The following SULF2 variants were observed in gnomAD, a reference collection of about 807,000 sequenced individuals.
The protein encoded by SULF2 is sulfatase 2, also known as extracellular sulfatase Sulf-2.
A neutral mutation model predicts 107.7 loss-of-function variants in SULF2; 52 were observed. The observed-to-expected ratio is 0.48, with a 90% CI of 0.39 to 0.61. The LOEUF (loss-of-function observed/expected upper bound fraction) is 0.61, where lower values mean the gene tolerates loss of function less well. Among genes scored for constraint, SULF2 ranks in the 20% least tolerant of loss-of-function variants. The pLI is 0.00. For synonymous variants in SULF2, 460 were observed against 464.3 expected (o/e 0.99, Z 0.12); for missense variants, 993 against 1,177.3 (o/e 0.84, Z 2.29).
Position 47,679,218 on chromosome 20 carries a change from G to A in SULF2, c.1065-414C>T, listed in dbSNP as rs76524347. 3.1e-3 allele frequency among the ~76,000 whole-genome samples: 478 copies of A among 152,188 alleles called. 2 individuals are homozygous for A. The highest frequency in any genetic ancestry group is 0.011 in the African/African-American group (459 of 41,516). The stretch of plus-strand genomic sequence containing the variant: ...AGCCCAGGCACAGTGCAGCCTCAGG[G>A]CCTTCTTCTTTACCATCCTCTCTGC... On this transcript the variant is annotated intron_variant, in intron 7 of 20. Transcript: ENST00000688720.
intron 2 of SULF2, among the ~76,000 whole-genome samples, chr20:47,743,564 C>T (rs146357629): frequency 3.3e-5 from 5 of 152,332 alleles, no homozygotes; most frequent in Non-Finnish European, 7.4e-5. Flanking sequence ...CCTTCCTTGG[C>T]CTCCCAAAGT....
chr20:47,762,849 T>C (rs1409020701), intron 1 of SULF2, among the ~76,000 whole-genome samples: 1 of 152,208 alleles, frequency 6.6e-6, no homozygotes, highest in Admixed American at 6.5e-5. Flanking sequence ...CGCTCTCCTC[T>C]GGATGGAAGT....
intron 4 of SULF2, among the ~76,000 whole-genome samples, chr20:47,701,938 C>T (rs944853669): frequency 2.0e-5 from 3 of 152,256 alleles, no homozygotes; most frequent in East Asian, 1.9e-4. Context: ...GTTCAGTGTG[C>T]GGCAAGCCTT....
chr20:47,783,100 G>A (rs1223435926), intron 1 of SULF2, among the ~76,000 whole-genome samples: 1 of 152,046 alleles, frequency 6.6e-6, no homozygotes, highest in East Asian at 1.9e-4. Flanking sequence ...TACTTAACAG[G>A]GTATTTGTGT....
At chr20:47,757,094 G>T in intron 2 of SULF2, 95 bp downstream of exon 2, 2 of 1,143,394 alleles carry the variant, frequency 1.7e-6, no homozygotes, top group Non-Finnish European at 2.4e-6. Context: ...TGAGCACGAC[G>T]CATCAACACC....
At chr20:47,738,580 A>T (rs976295044) in intron 2 of SULF2, among the ~76,000 whole-genome samples, 3 of 152,080 alleles carry the variant, frequency 2.0e-5, no homozygotes, top group African/African-American at 7.2e-5. Context: ...GATGGGAGAC[A>T]GTTGAATCAT....
At chr20:47,746,160 T>C (rs538919553) in intron 2 of SULF2, among the ~76,000 whole-genome samples, 1 of 152,338 alleles carries the variant, frequency 6.6e-6, no homozygotes, top group South Asian at 2.1e-4. Context: ...CCTGTGGGCA[T>C]GGAGTTTGCA....
rs915818941 is a variant in SULF2, at chr20:47,680,619, G to A, written c.1065-1815C>T. Among the ~76,000 whole-genome samples the A allele has an allele frequency of 2.6e-5, 4 of 152,214 alleles. No homozygotes were observed. Among genetic ancestry groups the A allele is most frequent in the Admixed American group, 6.5e-5 (1 of 15,278 alleles). On this transcript the variant is annotated intron_variant, in intron 7 of 20. Transcript: ENST00000688720. This position sits in a 1 kb window ranked among gnomAD's most constrained non-coding sequence, Gnocchi z 4.2. ...CCCAGTCCAGTGCCCTGTGAACGTC[G>A]GGCAGGCTGCCAAGCATGTGTGCAG...
chr20:47,665,396 G>A (rs2087227476), intron 13 of SULF2, 103 bp from the exon 14 acceptor site: 7 of 825,486 alleles, frequency 8.5e-6, no homozygotes, highest in African/African-American at 6.7e-5. Flanking sequence ...GCTCAGCAGC[G>A]GCAGCCTGCA....
intron 13 of SULF2, 143 bp downstream of exon 13, chr20:47,665,714 C>A: frequency 1.5e-6 from 1 of 671,352 alleles, no homozygotes; most frequent in Non-Finnish European, 2.6e-6. Flanking sequence ...CACCTATCCC[C>A]GCGTTGAGGA....
intron 7 of SULF2, among the ~76,000 whole-genome samples, chr20:47,681,529 T>C (rs1394457482): frequency 1.3e-5 from 2 of 152,146 alleles, no homozygotes; most frequent in African/African-American, 2.4e-5. Flanking sequence ...CTGAGAGGCG[T>C]GGCAGATGGG....
chr20:47,677,434 GCA>G (rs958185637), intron 8 of SULF2, among the ~76,000 whole-genome samples: 8 of 144,032 alleles, frequency 5.6e-5, no homozygotes, highest in South Asian at 4.4e-4. Flanking sequence ...GTGTGTGCGC[GCA>G]CACACATCTC....
chr20:47,734,696 A>T (rs934606315), intron 3 of SULF2, among the ~76,000 whole-genome samples: 13 of 152,180 alleles, frequency 8.5e-5, no homozygotes, highest in Admixed American at 3.9e-4. Flanking sequence ...CTGGAATGGG[A>T]TTCTTTGTAC....
intron 9 of SULF2, among the ~76,000 whole-genome samples, chr20:47,676,848 T>C (rs969524734): frequency 1.3e-5 from 2 of 152,248 alleles, no homozygotes; most frequent in Non-Finnish European, 2.9e-5. Context: ...ATTAAATAAA[T>C]TGAAGACATT....
chr20:47,676,505 G>T lies in SULF2; in HGVS notation c.1369C>A (p.Gln457Lys). The change falls in exon 10 of 21, where the codon CAG (glutamine) becomes AAG (lysine). Residue 457 changes from glutamine (Q) to lysine (K), a missense_variant. Physicochemically the swap from Gln to Lys is moderately conservative, Grantham distance 53 (BLOSUM62 1). Around this residue, in one of 3 missense-constraint regions of SULF2, gnomAD observed 497 missense variants for 544.1 expected, o/e 0.91. Transcript: ENST00000688720. The stretch of plus-strand genomic sequence containing the variant: ...GGGAGCCTTCTTACCTGTCCCAGCT[G>T]CTCACACGCCGTCTGGTACTCAGCA... ...QRAEYQTACE[Q>K]LGQKWQCVED... 6.2e-7 allele frequency: 1 copy of T among 1,607,924 alleles called. No individual in the cohort carries two copies. The highest frequency in any genetic ancestry group is 1.1e-5 in the South Asian group (1 of 89,918).
At position 47,683,011 on chromosome 20, in the gene SULF2, G is replaced by A. The variant is rs1247220221; in HGVS notation, c.1047C>T (p.Asn349=). ...IRVPFYVRGP[N]VEAGCLNPHI... is the part of the protein sequence containing the mutation. Reference sequence around the variant, plus strand: ...ACACTTACAGACAGCCGGCTTCCACGTTGGGGCCCCTCACGTAGAACGGGA... The same window carrying A: ...ACACTTACAGACAGCCGGCTTCCACATTGGGGCCCCTCACGTAGAACGGGA... The change falls in exon 7 of 21, where the codon AAC becomes AAT. Residue 349 remains asparagine (N), a synonymous_variant. Coordinates refer to ENST00000688720, the MANE Select transcript of SULF2 (RefSeq NM_001387048.1). The A allele has an allele frequency of 1.4e-5, 23 of 1,610,146 alleles. No homozygotes were observed. Among genetic ancestry groups the A allele is most frequent in the East Asian group, 6.7e-5 (3 of 44,802 alleles).
intron 5 of SULF2, among the ~76,000 whole-genome samples, chr20:47,687,432 C>A (rs1190664262): frequency 6.6e-6 from 1 of 152,198 alleles, no homozygotes; most frequent in Non-Finnish European, 1.5e-5. Flanking sequence ...AGAAGACCAT[C>A]CCCCTTCCCT....
chr20:47,673,046 A>C (rs555981410), intron 10 of SULF2, among the ~76,000 whole-genome samples: 11 of 152,332 alleles, frequency 7.2e-5, no homozygotes, highest in African/African-American at 1.7e-4. Flanking sequence ...ACTCAACTCC[A>C]GGCCTGTGGT....
chr20:47,676,585 G>C lies in SULF2; in HGVS notation c.1289C>G (p.Ala430Gly), dbSNP rs1568800457. Residue 430 changes from alanine (A) to glycine (G), a missense_variant, in exon 10 of 21, where the codon GCC becomes GGC. Coordinates refer to ENST00000688720, the MANE Select transcript of SULF2 (RefSeq NM_001387048.1). The stretch of plus-strand genomic sequence containing the variant: ...CTTGGGCAGAAAGTTCTCCTCCTGG[G>C]CGTCCACCTTGTCATTGTCTCTCTT... ...LHKRDNDKVDAQEENFLPKYQ... is the reference protein window; with the variant it reads ...LHKRDNDKVDGQEENFLPKYQ... 1 of 1,565,466 alleles carries C rather than the reference G, an allele frequency of 6.4e-7. No homozygotes were observed.
Sources: allele counts gnomAD v4.1 joint callset (sites outside exome capture counted in the v4.1 genomes callset), GRCh38; gene constraint gnomAD v4.1.1; regional missense constraint gnomAD v4.1.1; non-coding constraint Gnocchi (gnomAD v3.1); transcripts MANE v1.5; gene names NCBI Gene and HGNC (gene_info 2026-07-23, HGNC 2026-07-21).